The following PCDHA4 variants were observed in gnomAD, a reference collection of about 807,000 sequenced individuals.
The protein encoded by PCDHA4 is protocadherin alpha-4.
A neutral mutation model predicts 61.4 loss-of-function variants in PCDHA4; 49 were observed. That is an observed-to-expected ratio of 0.80 (90% CI 0.63 to 1.01). PCDHA4 has a LOEUF of 1.01. PCDHA4 is among the 50% of genes least tolerant of loss of function. The probability of loss-of-function intolerance (pLI) is 0.00; values close to 1 mark genes in which losing one functional copy is unlikely to be tolerated. For missense variants in PCDHA4, 1,254 were observed against 1,235.8 expected (o/e 1.01, Z -0.22); for synonymous variants, 590 against 550.3 (o/e 1.07, Z -1.01).
chr5:140,866,490 C>T (rs1197584665), intron 1 of PCDHA4: 2 of 152,070 alleles, frequency 1.3e-5, no homozygotes, highest in Admixed American at 1.3e-4. Flanking sequence ...TGATTTGTGA[C>T]CAAATAACTG....
In PCDHA4 at chr5:141,010,929, T is replaced by G. The variant is rs782088449; in HGVS notation, c.*992T>G. 1 of 153,778 alleles carries G rather than the reference T, an allele frequency of 6.5e-6. No homozygotes were observed. Among genetic ancestry groups the G allele is most frequent in the Non-Finnish European group, 1.5e-5 (1 of 68,048 alleles). 9.5% of individuals were successfully genotyped at this position (153,778 alleles called of 1,614,324 possible). A position where few individuals can be genotyped will look rare whatever the true frequency, so the allele number is the denominator to read the frequency against. ...AAACTCTCCTCAAAAGAGAATTCAG[T>G]CTACAGCCATTTAAATGATCATTGC... On this transcript the variant is annotated 3_prime_UTR_variant, in exon 4 of 4. Transcript: ENST00000530339.
chr5:140,895,920 C>T (rs1347672044), intron 1 of PCDHA4, among the ~76,000 whole-genome samples: 1 of 152,202 alleles, frequency 6.6e-6, no homozygotes, highest in African/African-American at 2.4e-5. Flanking sequence ...CAACAATTAT[C>T]CTGCCTCAGC....
intron 1 of PCDHA4, among the ~76,000 whole-genome samples, chr5:140,947,220 T>A (rs531697572): frequency 6.6e-6 from 1 of 151,686 alleles, no homozygotes; most frequent in East Asian, 1.9e-4. Flanking sequence ...ATCCTGTCAT[T>A]TATGACAGGA....
Position 140,808,938 on chromosome 5 carries a change from C to T in PCDHA4, c.1751C>T (p.Ser584Leu), listed in dbSNP as rs782653809. ...GGAVSELVPW[S>L]VGVGHVVAKV... ...GCAGTGAGCGAGCTGGTGCCATGGT[C>T]GGTGGGTGTGGGCCACGTGGTGGCA... Residue 584 changes from serine to leucine, a missense_variant, in exon 1 of 4, where the codon TCG becomes TTG. Ser to Leu is a moderately radical substitution (Grantham distance 145, BLOSUM62 -2). Transcript: ENST00000530339. 4 of 1,613,692 alleles carry T rather than the reference C, an allele frequency of 2.5e-6. No homozygotes were observed. The highest frequency in any genetic ancestry group is 1.3e-5 in the African/African-American group (1 of 75,050).
At chr5:140,875,240 C>A in intron 1 of PCDHA4, 1 of 923,800 alleles carries the variant, frequency 1.1e-6, no homozygotes. Context: ...CTTGTACTTA[C>A]ATAATCAGTC....
intron 1 of PCDHA4, chr5:140,884,570 G>A (rs1174925238): frequency 6.2e-7 from 1 of 1,614,074 alleles, no homozygotes; most frequent in Non-Finnish European, 8.5e-7. Flanking sequence ...GCATAAGACG[G>A]ACCTCATGGC....
In PCDHA4 at chr5:140,808,379, G is replaced by C; in HGVS notation, c.1192G>C (p.Val398Leu). The change falls in exon 1 of 4, where the codon GTG becomes CTG. Residue 398 changes from valine to leucine, a missense_variant. Transcript: ENST00000530339. ...SLTSHVPFKLVSTFKNYYSLV... is the reference protein window; with the variant it reads ...SLTSHVPFKLLSTFKNYYSLV... ...GACGTCCCACGTCCCCTTCAAGCTGGTGTCCACCTTCAAGAATTACTACTC... is the reference window on the plus strand; with the variant it reads ...GACGTCCCACGTCCCCTTCAAGCTGCTGTCCACCTTCAAGAATTACTACTC... The C allele has an allele frequency of 6.2e-7, 1 of 1,614,190 alleles. No homozygotes were observed. The highest frequency in any genetic ancestry group is 1.7e-4 in the Middle Eastern group (1 of 5,992).
intron 1 of PCDHA4, among the ~76,000 whole-genome samples, chr5:140,832,323 T>G (rs1483891932): frequency 6.6e-6 from 1 of 152,208 alleles, no homozygotes; most frequent in Non-Finnish European, 1.5e-5. Context: ...TTAAGGGCCA[T>G]TAGAGGACTG....
intron 1 of PCDHA4, among the ~76,000 whole-genome samples, chr5:140,878,982 T>C (rs1484097371): frequency 2.0e-5 from 3 of 152,206 alleles, no homozygotes; most frequent in African/African-American, 4.8e-5. Flanking sequence ...CCCTCTATCT[T>C]AGAAATGAGA....
chr5:140,953,553 C>T (rs1364050066), intron 1 of PCDHA4, among the ~76,000 whole-genome samples: 1 of 152,060 alleles, frequency 6.6e-6, no homozygotes, highest in East Asian at 1.9e-4. Flanking sequence ...TTCTTTTCTC[C>T]AAGTTTTAGT....
At chr5:140,826,198 T>C (rs1464039359) in intron 1 of PCDHA4, among the ~76,000 whole-genome samples, 1 of 152,222 alleles carries the variant, frequency 6.6e-6, no homozygotes, top group Non-Finnish European at 1.5e-5. Flanking sequence ...TTAACAATGG[T>C]CACATTTTAA....
intron 1 of PCDHA4, among the ~76,000 whole-genome samples, chr5:140,945,791 G>T (rs782283550): frequency 1.3e-5 from 2 of 152,064 alleles, no homozygotes; most frequent in Non-Finnish European, 2.9e-5. Flanking sequence ...GCAGAAAAAT[G>T]AAACTAGACC....
At chr5:140,876,215 A>G in intron 1 of PCDHA4, 1 of 1,614,008 alleles carries the variant, frequency 6.2e-7, no homozygotes, top group South Asian at 1.1e-5. Context: ...CCCAGCTATA[A>G]AGTAGTGTTG....
At chr5:141,005,422 A>G (rs1383654342) in intron 3 of PCDHA4, among the ~76,000 whole-genome samples, 3 of 152,132 alleles carry the variant, frequency 2.0e-5, no homozygotes, top group African/African-American at 7.2e-5. Flanking sequence ...AGTCATGCTA[A>G]GAATGGATGA....
intron 1 of PCDHA4, chr5:140,853,845 T>C (rs2150303295): frequency 1.0e-6 from 1 of 986,388 alleles, no homozygotes. Context: ...TTTAGATCCA[T>C]AGCCCTATTT....
chr5:141,007,395 C>CAAAAAAA (rs35800918), intron 3 of PCDHA4, among the ~76,000 whole-genome samples: 1,149 of 94,062 alleles, frequency 0.012, no homozygotes, highest in African/African-American at 0.016. Flanking sequence ...TACTAAAATA[C>CAAAAAAA]AAAAAAAAAA....
At chr5:140,848,597 C>A (rs151001396) in intron 1 of PCDHA4, 1 of 1,580,556 alleles carries the variant, frequency 6.3e-7, no homozygotes, top group Non-Finnish European at 8.7e-7. Context: ...TCCACTACTC[C>A]GTCCCGGAGG....
chr5:140,888,494 T>C (rs1554183489), intron 1 of PCDHA4, among the ~76,000 whole-genome samples: 1 of 152,236 alleles, frequency 6.6e-6, no homozygotes, highest in Non-Finnish European at 1.5e-5. Context: ...GAAACTCTGC[T>C]TTAAAGAGTC....
rs150637034 is a variant in PCDHA4 at position 140,828,096 on chromosome 5, T to C, written c.2385+18524T>C. On this transcript the variant is annotated intron_variant, in intron 1 of 3. Coordinates refer to ENST00000530339, the MANE Select transcript of PCDHA4 (RefSeq NM_018907.4). ...ATAAAACCAGAGGTATTTGACATGGTGTTTACCCCGGAGGATAGATTGGGA... is the reference window on the plus strand; with the variant it reads ...ATAAAACCAGAGGTATTTGACATGGCGTTTACCCCGGAGGATAGATTGGGA... 3.2e-4 allele frequency: 509 copies of C among 1,604,738 alleles called. 4 individuals carry two copies. In the African/African-American group the frequency reaches 5.9e-3, roughly 19 times the overall value.
Sources: allele counts gnomAD v4.1 joint callset (sites outside exome capture counted in the v4.1 genomes callset), GRCh38; gene constraint gnomAD v4.1.1; transcripts MANE v1.5; gene names NCBI Gene and HGNC (gene_info 2026-07-23, HGNC 2026-07-21).